The following SUCLG2 variants were observed in gnomAD, a reference collection of about 807,000 sequenced individuals.
The protein encoded by SUCLG2 is succinate-CoA ligase GDP-forming subunit beta, also known as succinate--CoA ligase [GDP-forming] subunit beta, mitochondrial.
A neutral mutation model predicts 47.9 loss-of-function variants in SUCLG2; 42 were observed. That is an observed-to-expected ratio of 0.88 (90% confidence interval 0.69 to 1.14). The LOEUF is 1.14. SUCLG2 is among the 50% of genes most tolerant of loss of function. The pLI, the probability that SUCLG2 is intolerant of heterozygous loss-of-function variation, is 0.00. For missense variants in SUCLG2, 571 were observed against 525.9 expected (o/e 1.09, Z -0.84); for synonymous variants, 195 against 197.3 (o/e 0.99, Z 0.10).
intron 10 of SUCLG2, among the ~76,000 whole-genome samples, chr3:67,400,473 G>T (rs1445568691): frequency 6.6e-6 from 1 of 152,078 alleles, no homozygotes; most frequent in African/African-American, 2.4e-5. Flanking sequence ...CTCATAAAAT[G>T]ATTCATAAAT....
At chr3:67,406,218 C>T (rs1182739469) in intron 9 of SUCLG2, among the ~76,000 whole-genome samples, 1 of 152,066 alleles carries the variant, frequency 6.6e-6, no homozygotes, top group African/African-American at 2.4e-5. Context: ...TCCTGAGTCC[C>T]CTTAATGAAA....
chr3:67,480,764 T>C (rs1031537948), intron 9 of SUCLG2, among the ~76,000 whole-genome samples: 1 of 152,180 alleles, frequency 6.6e-6, no homozygotes, highest in Non-Finnish European at 1.5e-5. Context: ...AGGGATGCAG[T>C]AAAGCAATTG....
At position 67,609,524 on chromosome 3, in the gene SUCLG2, C is replaced by A; in HGVS notation, c.157G>T (p.Gly53Ter). The change falls in exon 2 of 11, where the codon GGA (glycine) becomes TGA (stop). Residue 53 changes from glycine to a stop codon, truncating the protein, a stop_gained. Transcript: ENST00000307227. LOFTEE classifies it high-confidence loss of function. ...ACAAAGAATCTTTGAACTCTCACTC[C>A]GTTGTCAGACATCAGTTTCTTGCTC... Reference protein sequence around the residue: ...YQSKKLMSDNGVRVQRFFVAD... With the variant: ...YQSKKLMSDN 6.2e-7 allele frequency: 1 copy of A among 1,613,844 alleles called. No homozygotes were observed. Among genetic ancestry groups the A allele is most frequent in the East Asian group, 2.2e-5 (1 of 44,866 alleles).
At position 67,498,157 on chromosome 3, in the gene SUCLG2, A is replaced by T. The variant is rs982692319; in HGVS notation, c.896T>A (p.Leu299Gln). 6.2e-7 allele frequency: 1 copy of T among 1,612,404 alleles called. No individual in the cohort carries two copies. The highest frequency in any genetic ancestry group is 1.3e-5 in the African/African-American group (1 of 74,996). Reference protein sequence around the residue: ...AAKYDLKYIGLDGNIACFVNG... With the variant: ...AAKYDLKYIGQDGNIACFVNG... ...ACCAAAGCAGGCAATGTTCCCATCTAGTCCTATGTATTTTAGATCATATTT... is the reference window on the plus strand; with the variant it reads ...ACCAAAGCAGGCAATGTTCCCATCTTGTCCTATGTATTTTAGATCATATTT... Residue 299 changes from leucine (L) to glutamine (Q), a missense_variant, in exon 8 of 11, where the codon CTA becomes CAA. By Grantham distance (113) the Leu-to-Gln change is moderately radical. Coordinates refer to ENST00000307227, the MANE Select transcript of SUCLG2 (RefSeq NM_003848.4).
chr3:67,400,950 C>G, intron 9 of SUCLG2, 99 bp from the exon 10 acceptor site: 3 of 1,523,736 alleles, frequency 2.0e-6, no homozygotes, highest in South Asian at 1.3e-5. Flanking sequence ...TAAGACTGCT[C>G]GTTTTTTTGT....
At chr3:67,509,202 C>T (rs144764676) in intron 6 of SUCLG2, among the ~76,000 whole-genome samples, 2,477 of 152,240 alleles carry the variant, frequency 0.016, 66 homozygotes, top group African/African-American at 0.057. Context: ...CAGAGTTATG[C>T]TGCAATATAA....
rs558073643 is a variant in SUCLG2, at chr3:67,610,423, C to T, written c.85-827G>A. On this transcript the variant is annotated intron_variant, in intron 1 of 10. Transcript: ENST00000307227. ...AGGACACAGTCAAAGGACACAATAA[C>T]ATGAACAAATAAATTCCTTACATTT... Among the ~76,000 whole-genome samples the T allele has an allele frequency of 9.9e-5, 15 of 151,252 alleles. No individual in the cohort carries two copies. The South Asian group carries it at 3.1e-3, about 32-fold the overall frequency.
Position 67,609,595 on chromosome 3 carries a change from G to A in SUCLG2, c.86C>T (p.Ala29Val). 6.2e-7 allele frequency: 1 copy of A among 1,611,894 alleles called. No homozygotes were observed. The highest frequency in any genetic ancestry group is 8.5e-7 in the Non-Finnish European group (1 of 1,179,392). Residue 29 changes from alanine to valine, a missense_variant and splice_region_variant, in exon 2 of 11, where the codon GCA becomes GTA. Ala to Val is a moderately conservative substitution (Grantham distance 64). Transcript: ENST00000307227. ...RPRFLAAGSQAVQLTSRRWLN... is the reference protein window; with the variant it reads ...RPRFLAAGSQVVQLTSRRWLN... ...CCATCTTCTGGAGGTTAATTGAACT[G>A]CCTACAGAAATTGAAGGAGAGAGGT...
chr3:67,454,338 G>A (rs1704129130), intron 9 of SUCLG2, among the ~76,000 whole-genome samples: 1 of 152,012 alleles, frequency 6.6e-6, no homozygotes, highest in Admixed American at 6.6e-5. Flanking sequence ...GGATAGGGTT[G>A]TGGTCGCACT....
intron 2 of SUCLG2, among the ~76,000 whole-genome samples, chr3:67,582,100 T>C (rs1707893558): frequency 1.3e-5 from 2 of 152,222 alleles, no homozygotes; most frequent in African/African-American, 4.8e-5. Flanking sequence ...GGCATATTAA[T>C]ATACCATATT....
At chr3:67,583,037 G>A (rs1707922602) in intron 2 of SUCLG2, among the ~76,000 whole-genome samples, 1 of 152,048 alleles carries the variant, frequency 6.6e-6, no homozygotes, top group African/African-American at 2.4e-5. Context: ...AGTGACAAAA[G>A]GGAAAATACC....
intron 1 of SUCLG2, among the ~76,000 whole-genome samples, chr3:67,618,880 C>T (rs1294431596): frequency 2.0e-5 from 3 of 152,062 alleles, no homozygotes; most frequent in East Asian, 1.9e-4. Context: ...TTAAAGTTCC[C>T]GCATCAAGAG....
At chr3:67,538,114 C>G (rs1033895636) in intron 2 of SUCLG2, among the ~76,000 whole-genome samples, 1 of 152,236 alleles carries the variant, frequency 6.6e-6, no homozygotes, top group South Asian at 2.1e-4. Flanking sequence ...GTTGCTATTG[C>G]TTTGGCGTTT....
At chr3:67,391,666 C>T (rs544060750) in intron 10 of SUCLG2, among the ~76,000 whole-genome samples, 1 of 152,040 alleles carries the variant, frequency 6.6e-6, no homozygotes, top group South Asian at 2.1e-4. Flanking sequence ...TATTAGAGCC[C>T]AAGATTTGCT....
intron 9 of SUCLG2, among the ~76,000 whole-genome samples, chr3:67,482,582 C>A (rs558307303): frequency 3.9e-5 from 6 of 152,276 alleles, no homozygotes; most frequent in African/African-American, 1.4e-4. Flanking sequence ...GGTCGTTCAG[C>A]TTAATGGAGA....
rs142103724 is a variant in SUCLG2 at position 67,574,366 on chromosome 3, A to G, written c.226+35089T>C. Among the ~76,000 whole-genome samples the G allele has an allele frequency of 1.2e-4, 19 of 152,366 alleles. No homozygotes were observed. The East Asian group carries it at 3.5e-3, about 28-fold the overall frequency. On this transcript the variant is annotated intron_variant, in intron 2 of 10. Coordinates refer to ENST00000307227, the MANE Select transcript of SUCLG2 (RefSeq NM_003848.4). Reference sequence around the variant, plus strand: ...ACTACTTTTCTAATGACCACATGGTATAAAGATAGATACATAAATCAATGG... The same window carrying G: ...ACTACTTTTCTAATGACCACATGGTGTAAAGATAGATACATAAATCAATGG...
At chr3:67,631,329 T>C (rs1376013802) in intron 1 of SUCLG2, among the ~76,000 whole-genome samples, 1 of 151,688 alleles carries the variant, frequency 6.6e-6, no homozygotes, top group Non-Finnish European at 1.5e-5. Context: ...GGCCCAGGAG[T>C]ATAAAGTATT....
At chr3:67,450,445 AG>A (rs1425812997) in intron 9 of SUCLG2, among the ~76,000 whole-genome samples, 18 of 152,198 alleles carry the variant, frequency 1.2e-4, no homozygotes. Context: ...GACTTTCTTG[AG>A]ATTTTCTGGA....
intron 6 of SUCLG2, among the ~76,000 whole-genome samples, chr3:67,515,394 A>G (rs2107116148): frequency 6.6e-6 from 1 of 152,358 alleles, no homozygotes; most frequent in East Asian, 1.9e-4. Context: ...GTTTTTCAAC[A>G]AATTCTCACA....
Sources: gnomAD v4.1 joint callset for allele counts (sites outside exome capture counted in the v4.1 genomes callset) on GRCh38, gnomAD v4.1.1 for gene constraint, MANE v1.5 for transcripts, NCBI Gene and HGNC (gene_info 2026-07-23, HGNC 2026-07-21) for gene names.